CLASP1: variants seen among roughly 807,000 people sequenced by gnomAD.
The protein encoded by CLASP1 is cytoplasmic linker associated protein 1.
In CLASP1, 38 loss-of-function variants were observed where a neutral mutation model predicts 192.3. That is an observed-to-expected ratio of 0.20 (90% CI 0.15 to 0.26). CLASP1 has a LOEUF of 0.26. Ranked by LOEUF, CLASP1 falls within the 10% of genes least tolerant of loss-of-function variation. CLASP1 has a pLI of 1.00. For missense variants in CLASP1, 1,433 were observed against 1,932.5 expected, an observed-to-expected ratio of 0.74 and a Z score of 4.85; for synonymous variants, 691 against 712.8, an observed-to-expected ratio of 0.97 and a Z score of 0.49.
chr2:121,479,017 C>A (rs1575289731), intron 8 of CLASP1, among the ~76,000 whole-genome samples: 2 of 65,992 alleles, frequency 3.0e-5, no homozygotes, highest in African/African-American at 2.7e-4. Context: ...ACACACACAC[C>A]ACACACACAC....
Position 121,392,937 on chromosome 2 carries a change from G to A in CLASP1, c.3123+4203C>T, listed in dbSNP as rs114936417. Among the ~76,000 whole-genome samples, 355 of 152,162 alleles carry A rather than the reference G, an allele frequency of 2.3e-3. 2 individuals carry two copies. The highest frequency in any genetic ancestry group is 8.3e-3 in the African/African-American group (344 of 41,502). On this transcript the variant is annotated intron_variant, in intron 30 of 39. Coordinates refer to ENST00000263710, the Ensembl canonical transcript of CLASP1. The stretch of plus-strand genomic sequence containing the variant: ...AGCACACCTCACTCACTGGTGATTC[G>A]TTCGTGTTTTGATTTTAAAAACACC...
chr2:121,555,528 A>G (rs2058467534), intron 2 of CLASP1, among the ~76,000 whole-genome samples: 1 of 152,230 alleles, frequency 6.6e-6, no homozygotes, highest in Admixed American at 6.5e-5. Flanking sequence ...AGGGAAGGTG[A>G]ATAAGACAAA....
intron 24 of CLASP1, among the ~76,000 whole-genome samples, chr2:121,408,210 A>G (rs1324499946): frequency 6.6e-6 from 1 of 152,242 alleles, no homozygotes; most frequent in Non-Finnish European, 1.5e-5. Flanking sequence ...TCTTGAGCAC[A>G]GTCTATGGGT....
intron 37 of CLASP1, among the ~76,000 whole-genome samples, chr2:121,357,846 G>A (rs2065698518): frequency 6.6e-6 from 1 of 152,144 alleles, no homozygotes; most frequent in African/African-American, 2.4e-5. Flanking sequence ...CCAAGCCCAT[G>A]CCCCCTCCCT....
chr2:121,602,772 T>C (rs978751068), intron 2 of CLASP1, among the ~76,000 whole-genome samples: 1 of 152,080 alleles, frequency 6.6e-6, no homozygotes, highest in East Asian at 1.9e-4. Context: ...AGAATAAAAC[T>C]AGATCCCCAT....
intron 6 of CLASP1, among the ~76,000 whole-genome samples, chr2:121,518,670 C>T (rs2094384903): frequency 1.3e-5 from 2 of 151,966 alleles, no homozygotes; most frequent in Non-Finnish European, 1.5e-5. Context: ...GAGTTCGAGA[C>T]CAGCCTGGCC....
Position 121,347,162 on chromosome 2 carries a change from G to C in CLASP1, c.4414-8C>G. 1.3e-6 allele frequency: 2 copies of C among 1,544,994 alleles called. No individual in the cohort carries two copies. Among genetic ancestry groups the C allele is most frequent in the Non-Finnish European group, 1.8e-6 (2 of 1,136,370 alleles). The stretch of plus-strand genomic sequence containing the variant: ...TTCGGTGTTGTCATAACCCTAGAGA[G>C]CCAGAAGGGAACACGAAAAGGAAAC... On this transcript the variant is annotated splice_polypyrimidine_tract_variant and splice_region_variant and intron_variant, in intron 38 of 39. Coordinates refer to ENST00000263710, the Ensembl canonical transcript of CLASP1.
At chr2:121,616,804 C>T (rs2066544890) in intron 1 of CLASP1, among the ~76,000 whole-genome samples, 1 of 152,128 alleles carries the variant, frequency 6.6e-6, no homozygotes, top group Non-Finnish European at 1.5e-5. Flanking sequence ...TTTTGAGGCC[C>T]ACACATTCAC....
At chr2:121,353,760 A>C (rs557726665) in intron 37 of CLASP1, among the ~76,000 whole-genome samples, 3 of 151,840 alleles carry the variant, frequency 2.0e-5, no homozygotes, top group Non-Finnish European at 4.4e-5. Flanking sequence ...CTGTTGAACT[A>C]ATTTCCCCAT....
intron 1 of CLASP1, among the ~76,000 whole-genome samples, chr2:121,642,044 T>C (rs2072183200): frequency 6.6e-6 from 1 of 152,026 alleles, no homozygotes; most frequent in African/African-American, 2.4e-5. Flanking sequence ...ATCCCACTTA[T>C]TTGAATTTAT....
chr2:121,544,492 A>G (rs946473222), intron 2 of CLASP1, among the ~76,000 whole-genome samples: 13 of 152,140 alleles, frequency 8.5e-5, no homozygotes, highest in Admixed American at 8.5e-4. Context: ...GAAATCTGGA[A>G]AAACATAACA....
At chr2:121,471,136 T>C (rs192246962) in intron 8 of CLASP1, among the ~76,000 whole-genome samples, 1 of 152,222 alleles carries the variant, frequency 6.6e-6, no homozygotes, top group Admixed American at 6.5e-5. Flanking sequence ...AAAAAATGTG[T>C]CAGATATGGC....
chr2:121,410,993 G>T, intron 23 of CLASP1, 24 bp from the exon 25 acceptor site: 1 of 1,428,988 alleles, frequency 7.0e-7, no homozygotes, highest in Non-Finnish European at 9.7e-7. Context: ...AAAAGCAAAA[G>T]ATGTGTCACT....
At chr2:121,631,764 G>A (rs1456637316) in intron 1 of CLASP1, among the ~76,000 whole-genome samples, 12 of 150,438 alleles carry the variant, frequency 8.0e-5, no homozygotes, top group South Asian at 6.4e-4. Context: ...TACAAAAATC[G>A]GGCCAGGCGC....
chr2:121,431,897 T>A (rs879707009), intron 19 of CLASP1, among the ~76,000 whole-genome samples: 2 of 152,190 alleles, frequency 1.3e-5, no homozygotes, highest in Non-Finnish European at 2.9e-5. Flanking sequence ...AAGTCACTTA[T>A]GTATCGATAA....
At chr2:121,366,052 A>T (rs1221199569) in intron 35 of CLASP1, among the ~76,000 whole-genome samples, 1 of 152,226 alleles carries the variant, frequency 6.6e-6, no homozygotes, top group Non-Finnish European at 1.5e-5. Context: ...GTATTTGCAT[A>T]CTTCTTTAGC....
intron 1 of CLASP1, among the ~76,000 whole-genome samples, chr2:121,633,794 C>T (rs1023487141): frequency 5.3e-5 from 8 of 152,028 alleles, no homozygotes; most frequent in African/African-American, 1.9e-4. Context: ...ATCATGAGGT[C>T]AGGAGATCGA....
chr2:121,351,603 T>G (rs1174465613), intron 37 of CLASP1, among the ~76,000 whole-genome samples: 1 of 152,206 alleles, frequency 6.6e-6, no homozygotes, highest in Non-Finnish European at 1.5e-5. Flanking sequence ...CTTGCAGCCC[T>G]GAGTAAAGGC....
At chr2:121,423,298 G>A (rs2079826390) in intron 22 of CLASP1, among the ~76,000 whole-genome samples, 1 of 152,018 alleles carries the variant, frequency 6.6e-6, no homozygotes, top group Non-Finnish European at 1.5e-5. Flanking sequence ...CTTTGGAAGG[G>A]AACAGGCTTA....
Sources: gnomAD v4.1 joint callset for allele counts (sites outside exome capture counted in the v4.1 genomes callset) on GRCh38, gnomAD v4.1.1 for gene constraint, MANE v1.5 for transcripts, NCBI Gene and HGNC (gene_info 2026-07-23, HGNC 2026-07-21) for gene names.